The following GRIP1 variants were observed in gnomAD, a reference collection of about 807,000 sequenced individuals.
GRIP1 encodes the protein glutamate receptor-interacting protein 1.
Under a neutral mutation model 129.9 loss-of-function variants are expected in GRIP1, and 45 were observed. That is an observed-to-expected ratio of 0.35 (90% CI 0.27 to 0.44). GRIP1 has a LOEUF of 0.44. Among genes scored for constraint, GRIP1 ranks in the 20% least tolerant of loss-of-function variants. The probability of loss-of-function intolerance (pLI) is 1.00; values close to 1 mark genes in which losing one functional copy is unlikely to be tolerated. For synonymous variants in GRIP1, 530 were observed against 520.8 expected (o/e 1.02, Z -0.24); for missense variants, 1,196 against 1,396.8 (o/e 0.86, Z 2.29).
chr12:66,433,575 T>G (rs1262667796), intron 13 of GRIP1, among the ~76,000 whole-genome samples: 1 of 152,220 alleles, frequency 6.6e-6, no homozygotes, highest in East Asian at 1.9e-4. Context: ...TATCCAGACC[T>G]AATTAATGTC....
At chr12:67,040,951 C>A (rs549029896) in intron 1 of GRIP1, among the ~76,000 whole-genome samples, 1 of 152,120 alleles carries the variant, frequency 6.6e-6, no homozygotes, top group African/African-American at 2.4e-5. Flanking sequence ...TGTGGGTGGG[C>A]CTCACCCAAT....
intron 7 of GRIP1, among the ~76,000 whole-genome samples, chr12:66,483,921 G>A (rs1245326986): frequency 1.3e-5 from 2 of 151,256 alleles, no homozygotes; most frequent in Non-Finnish European, 1.5e-5. Context: ...GTGCAGTGGC[G>A]GGATCTCGGC....
At chr12:66,477,627 T>C (rs2059659253) in intron 7 of GRIP1, among the ~76,000 whole-genome samples, 1 of 152,198 alleles carries the variant, frequency 6.6e-6, no homozygotes, top group Non-Finnish European at 1.5e-5. Flanking sequence ...GACTTCAAAC[T>C]ATACTACAAG....
chr12:67,058,865 A>C (rs2043481642), intron 1 of GRIP1, among the ~76,000 whole-genome samples: 1 of 152,202 alleles, frequency 6.6e-6, no homozygotes, highest in South Asian at 2.1e-4. Flanking sequence ...AACTTAAACC[A>C]CTTCAGATAG....
intron 1 of GRIP1, among the ~76,000 whole-genome samples, chr12:67,028,941 AC>A (rs1229609605): frequency 6.6e-6 from 1 of 152,180 alleles, no homozygotes; most frequent in Non-Finnish European, 1.5e-5. Flanking sequence ...CGTGAAGTCA[AC>A]AATGAGATTC....
rs148001658 is a variant in GRIP1, at chr12:66,988,624, G to A, written c.58+80426C>T. ...GAACTCCTGGACTCAAGTGATCCCC[G>A]TCTCGGCCTCCCAAAGTGCTGGGAT... On this transcript the variant is annotated intron_variant, in intron 1 of 1. Transcript: ENST00000643019. 1.7e-3 allele frequency among the ~76,000 whole-genome samples: 253 copies of A among 152,206 alleles called. 1 individual carries two copies. The highest frequency in any genetic ancestry group is 5.7e-3 in the African/African-American group (235 of 41,540).
At chr12:66,844,146 A>G (rs2039771226) in intron 1 of GRIP1, among the ~76,000 whole-genome samples, 1 of 152,178 alleles carries the variant, frequency 6.6e-6, no homozygotes, top group African/African-American at 2.4e-5. Context: ...AGACTTGAAT[A>G]GACATTCTTC....
At chr12:66,580,354 G>A (rs2063326261) in intron 2 of GRIP1, among the ~76,000 whole-genome samples, 1 of 149,266 alleles carries the variant, frequency 6.7e-6, no homozygotes, top group African/African-American at 2.5e-5. Flanking sequence ...ATCAACTAAC[G>A]AGCAAAATCA....
intron 1 of GRIP1, among the ~76,000 whole-genome samples, chr12:66,945,589 T>C: frequency 6.6e-6 from 1 of 152,020 alleles, no homozygotes; most frequent in East Asian, 1.9e-4. Flanking sequence ...AGGTGCCACA[T>C]ACTTTGAAAC....
At chr12:66,363,425 A>AT (rs1300054771) in intron 23 of GRIP1, among the ~76,000 whole-genome samples, 1 of 134,004 alleles carries the variant, frequency 7.5e-6, no homozygotes, top group African/African-American at 2.8e-5. Context: ...TTTTTAAATT[A>AT]TTTTTTGTAG....
At chr12:66,679,254 A>T, upstream of GRIP1, 3 of 646,544 alleles carry the variant, frequency 4.6e-6, no homozygotes, top group Non-Finnish European at 6.8e-6. Flanking sequence ...CTAAGCACTG[A>T]ACAGTGCATT....
At chr12:66,641,449 T>A (rs1175914471) in intron 1 of GRIP1, among the ~76,000 whole-genome samples, 1 of 152,212 alleles carries the variant, frequency 6.6e-6, no homozygotes, top group African/African-American at 2.4e-5. Flanking sequence ...AATTTTTGAA[T>A]TTTCTACCCT....
intron 23 of GRIP1, among the ~76,000 whole-genome samples, chr12:66,370,354 T>C (rs2055416310): frequency 6.6e-6 from 1 of 152,206 alleles, no homozygotes; most frequent in South Asian, 2.1e-4. Context: ...AGTATGGGTA[T>C]TAAATGAATG....
At chr12:66,911,956 A>T (rs1486770807) in intron 1 of GRIP1, among the ~76,000 whole-genome samples, 2 of 152,204 alleles carry the variant, frequency 1.3e-5, no homozygotes, top group African/African-American at 4.8e-5. Context: ...ATAAACCTGC[A>T]TCTTCAGCTT....
chr12:66,730,721 A>AAAAAAAT (rs2036409441), intron 1 of GRIP1, among the ~76,000 whole-genome samples: 2 of 150,990 alleles, frequency 1.3e-5, no homozygotes, highest in African/African-American at 2.4e-5. Context: ...AAAAAAAAAA[A>AAAAAAAT]CTCATACATG....
intron 1 of GRIP1, among the ~76,000 whole-genome samples, chr12:66,668,518 C>T (rs1348659625): frequency 6.6e-6 from 1 of 152,192 alleles, no homozygotes; most frequent in Admixed American, 6.5e-5. Flanking sequence ...TTCCTCCAGA[C>T]AGCCTTGAGC....
chr12:66,587,327 A>C (rs1362644653), intron 2 of GRIP1, among the ~76,000 whole-genome samples: 1 of 152,246 alleles, frequency 6.6e-6, no homozygotes, highest in Non-Finnish European at 1.5e-5. Context: ...ATGGAGGCCA[A>C]CCTTGGCCTT....
At chr12:66,587,357 A>C (rs2063679974) in intron 2 of GRIP1, among the ~76,000 whole-genome samples, 1 of 152,238 alleles carries the variant, frequency 6.6e-6, no homozygotes, top group Admixed American at 6.5e-5. Flanking sequence ...TGGAGGCCTC[A>C]GGTTTTCTAT....
rs2059582107 is a variant in GRIP1, at chr12:66,475,610, G to T, written c.725-10188C>A. Among the ~76,000 whole-genome samples the T allele has an allele frequency of 2.0e-5, 3 of 152,168 alleles. No homozygotes were observed. The South Asian group carries it at 6.2e-4, about 32-fold the overall frequency. On this transcript the variant is annotated intron_variant, in intron 7 of 24. Transcript: ENST00000359742. Reference sequence around the variant, plus strand: ...ACTCCTCAGCAAATGTAAAAGGACAGAAATTATAACAAACTGTCTCTCAGA... The same window carrying T: ...ACTCCTCAGCAAATGTAAAAGGACATAAATTATAACAAACTGTCTCTCAGA...
Sources: allele counts gnomAD v4.1 joint callset (sites outside exome capture counted in the v4.1 genomes callset), GRCh38; gene constraint gnomAD v4.1.1; transcripts MANE v1.5; gene names NCBI Gene and HGNC (gene_info 2026-07-23, HGNC 2026-07-21).